The following RGPD4 variants were observed in gnomAD, a reference collection of about 807,000 sequenced individuals.
RGPD4 encodes the protein RANBP2 like and GRIP domain containing 4, also known as ranBP2-like and GRIP domain-containing protein 4.
In RGPD4, 84 loss-of-function variants were observed where a neutral mutation model predicts 141.1. The observed-to-expected ratio is 0.60, with a 90% CI of 0.50 to 0.71. The LOEUF (loss-of-function observed/expected upper bound fraction) is 0.71. RGPD4 is among the 30% of genes least tolerant of loss of function. The pLI, the probability that RGPD4 is intolerant of heterozygous loss-of-function variation, is 0.00. For synonymous variants in RGPD4, 298 were observed against 566.8 expected (o/e 0.53, Z 6.74); for missense variants, 918 against 1,622.4 (o/e 0.57, Z 7.46).
intron 18 of RGPD4, among the ~76,000 whole-genome samples, chr2:107,866,941 G>A (rs1682748028): frequency 6.7e-6 from 1 of 149,930 alleles, no homozygotes; most frequent in Non-Finnish European, 1.5e-5. Context: ...ACAGTAAACA[G>A]TTAATGAACT....
intron 4 of RGPD4, among the ~76,000 whole-genome samples, chr2:107,841,284 A>AT (rs1357415604): frequency 1.0e-5 from 1 of 100,046 alleles, no homozygotes. Flanking sequence ...TTCTTTAAAG[A>AT]TTTTCTTTAA....
At chr2:107,832,437 GT>G (rs1681525424) in intron 1 of RGPD4, among the ~76,000 whole-genome samples, 1 of 150,536 alleles carries the variant, frequency 6.6e-6, no homozygotes, top group African/African-American at 2.5e-5. Flanking sequence ...TGGATGAGAG[GT>G]TTTTTTGTTT....
intron 1 of RGPD4, among the ~76,000 whole-genome samples, chr2:107,829,575 C>A (rs575752935): frequency 4.0e-5 from 6 of 149,602 alleles, no homozygotes; most frequent in African/African-American, 1.5e-4. Context: ...ATGGCTCAGG[C>A]GTCATGGCTC....
intron 1 of RGPD4, among the ~76,000 whole-genome samples, chr2:107,829,566 T>A (rs1476448113): frequency 1.3e-5 from 2 of 149,144 alleles, no homozygotes; most frequent in African/African-American, 2.6e-5. Flanking sequence ...GCGGCCTCGA[T>A]GGCTCAGGCG....
chr2:107,885,584 G>T (rs1036533290), intron 22 of RGPD4, among the ~76,000 whole-genome samples: 1 of 152,138 alleles, frequency 6.6e-6, no homozygotes, highest in South Asian at 2.1e-4. Context: ...ACTCTAAGAT[G>T]TGCATTTGGT....
At chr2:107,847,777 A>T (rs1328861814) in intron 6 of RGPD4, among the ~76,000 whole-genome samples, 12 of 91,590 alleles carry the variant, frequency 1.3e-4, no homozygotes, top group African/African-American at 5.9e-4. Flanking sequence ...GTGAGCTTAG[A>T]TCGTGCCATT....
At chr2:107,878,393 G>A (rs1315691952) in intron 20 of RGPD4, among the ~76,000 whole-genome samples, 1 of 142,942 alleles carries the variant, frequency 7.0e-6, no homozygotes, top group Admixed American at 6.9e-5. Context: ...AGAGGGAGAA[G>A]GCATGGGACA....
At position 107,849,057 on chromosome 2, in the gene RGPD4, A is replaced by G. The variant is rs1682038531; in HGVS notation, c.978+521A>G. Among the ~76,000 whole-genome samples, 3 of 122,450 alleles carry G rather than the reference A, an allele frequency of 2.4e-5. No individual in the cohort carries two copies. In the East Asian group the frequency reaches 6.3e-4, roughly 26 times the overall value. 80.3% of individuals were successfully genotyped at this position (122,450 alleles called of 152,430 possible). A position where few individuals can be genotyped will look rare whatever the true frequency, so the allele number is the denominator to read the frequency against. ...AACATAAAACCTTTTCTTATTTTTTATTTTTTTATTTTTTTTGAGACCAAG... is the reference window on the plus strand; with the variant it reads ...AACATAAAACCTTTTCTTATTTTTTGTTTTTTTATTTTTTTTGAGACCAAG... On this transcript the variant is annotated intron_variant, in intron 7 of 22. Transcript: ENST00000408999.
intron 1 of RGPD4, among the ~76,000 whole-genome samples, chr2:107,828,507 G>C (rs1372766171): frequency 1.2e-3 from 142 of 116,036 alleles, no homozygotes; most frequent in Non-Finnish European, 1.8e-3. Context: ...GCCTCGACCC[G>C]GCCCGGCGGC....
chr2:107,830,356 A>G (rs1474491908), intron 1 of RGPD4, among the ~76,000 whole-genome samples: 110 of 151,990 alleles, frequency 7.2e-4, no homozygotes, highest in African/African-American at 2.3e-3. Context: ...AAAAAAAAAA[A>G]AAAGCATGTT....
intron 20 of RGPD4, among the ~76,000 whole-genome samples, chr2:107,874,408 G>C (rs1420002305): frequency 6.8e-6 from 1 of 147,876 alleles, no homozygotes; most frequent in East Asian, 2.0e-4. Flanking sequence ...AGGCCTTCAA[G>C]AACAGGTTAG....
intron 18 of RGPD4, among the ~76,000 whole-genome samples, chr2:107,866,818 G>A (rs192605661): frequency 0.012 from 1,397 of 113,864 alleles, 79 homozygotes; most frequent in African/African-American, 0.039. Flanking sequence ...TATAATAGCT[G>A]TGTAAGTTAA....
At chr2:107,827,601 C>G (rs868495706) in intron 1 of RGPD4, among the ~76,000 whole-genome samples, 15 of 45,184 alleles carry the variant, frequency 3.3e-4, no homozygotes, top group East Asian at 1.1e-3. Flanking sequence ...CGACCTGGCC[C>G]GGCGGCGGCC....
At chr2:107,830,341 CT>C (rs1681436238) in intron 1 of RGPD4, among the ~76,000 whole-genome samples, 2 of 63,262 alleles carry the variant, frequency 3.2e-5, no homozygotes, top group African/African-American at 2.0e-4. Context: ...TTTAAACAAG[CT>C]TAAAAAAAAA....
chr2:107,890,619 A>G, intron 22 of RGPD4, 102 bp from the exon 23 acceptor site: 1 of 443,436 alleles, frequency 2.3e-6, no homozygotes, highest in Non-Finnish European at 4.0e-6. Context: ...AGTAAAAAAG[A>G]CATTATTTGC....
rs369980815 is a variant in RGPD4 at position 107,846,027 on chromosome 2, C to T, written c.782+2297C>T. Among the ~76,000 whole-genome samples, 405 of 111,342 alleles carry T rather than the reference C, an allele frequency of 3.6e-3. 2 individuals are homozygous for T. The highest frequency in any genetic ancestry group is 0.012 in the Middle Eastern group (3 of 260). The allele number at this position is 111,342 out of a possible 152,430, so 73.0% of individuals were successfully genotyped here. A position where few individuals can be genotyped will look rare whatever the true frequency, so the allele number is the denominator to read the frequency against. ...CTGCAAGCTGTGTCTCCAGGGTTCA[C>T]GCCATTCTCCTGCCTCAGCCTCCCG... is the stretch of plus-strand genomic sequence containing the variant. On this transcript the variant is annotated intron_variant, in intron 6 of 22. Coordinates refer to ENST00000408999, the MANE Select transcript of RGPD4 (RefSeq NM_182588.3).
intron 20 of RGPD4, among the ~76,000 whole-genome samples, chr2:107,878,157 C>T (rs989026476): frequency 2.0e-5 from 3 of 151,274 alleles, no homozygotes; most frequent in Non-Finnish European, 4.4e-5. Flanking sequence ...CCTCATACAC[C>T]TTTCACTTAT....
intron 21 of RGPD4, among the ~76,000 whole-genome samples, chr2:107,882,371 T>A (rs991073040): frequency 2.6e-5 from 4 of 151,810 alleles, no homozygotes; most frequent in African/African-American, 7.3e-5. Context: ...GACAGTGGAG[T>A]CCTATAGCCC....
rs945464926 is a variant in RGPD4, at chr2:107,826,935, C to A, written c.-79C>A. 7.1e-6 allele frequency: 11 copies of A among 1,549,090 alleles called. No homozygotes were observed. In the East Asian group the frequency reaches 2.4e-4, roughly 34 times the overall value. On this transcript the variant is annotated 5_prime_UTR_variant, in exon 1 of 23. Transcript: ENST00000408999. The stretch of plus-strand genomic sequence containing the variant: ...CTACGCGGAGTCAGTGGCTTTCAGG[C>A]GCTTTCCTGTTGGAATTGGCGACTG...
Sources: gnomAD v4.1 joint callset for allele counts (sites outside exome capture counted in the v4.1 genomes callset) on GRCh38, gnomAD v4.1.1 for gene constraint, MANE v1.5 for transcripts, NCBI Gene and HGNC (gene_info 2026-07-23, HGNC 2026-07-21) for gene names.